The following CCNY variants were observed in gnomAD, a reference collection of about 807,000 sequenced individuals.
CCNY encodes the protein cyclin Y.
CCNY carries 19 observed loss-of-function variants against 42.8 expected under a neutral mutation model. The ratio of observed to expected loss-of-function variants is 0.44; its 90% CI spans 0.31 to 0.65. The LOEUF (loss-of-function observed/expected upper bound fraction) is 0.65, where lower values mean the gene tolerates loss of function less well. Among genes scored for constraint, CCNY ranks in the 30% least tolerant of loss-of-function variants. CCNY has a pLI of 0.07. For synonymous variants in CCNY, 165 were observed against 162.7 expected (o/e 1.01, Z -0.11); for missense variants, 370 against 437.3 (o/e 0.85, Z 1.37).
chr10:35,267,191 C>A (rs2095726420), intron 3 of CCNY, among the ~76,000 whole-genome samples: 1 of 151,766 alleles, frequency 6.6e-6, no homozygotes, highest in South Asian at 2.1e-4. Flanking sequence ...TCCTGTAATC[C>A]CTCCGCTTTG....
intron 8 of CCNY, among the ~76,000 whole-genome samples, chr10:35,563,296 T>C (rs1841501999): frequency 6.6e-6 from 1 of 152,240 alleles, no homozygotes; most frequent in South Asian, 2.1e-4. Context: ...TGTTCTGTTT[T>C]CCAGGGAACC....
chr10:35,465,652 A>G (rs1564421866), intron 1 of CCNY, among the ~76,000 whole-genome samples: 1 of 151,942 alleles, frequency 6.6e-6, no homozygotes, highest in East Asian at 1.9e-4. Flanking sequence ...TTGCGTGTCT[A>G]CTGGCAGTTC....
chr10:35,454,798 G>C (rs1589132013), intron 1 of CCNY, among the ~76,000 whole-genome samples: 3 of 152,280 alleles, frequency 2.0e-5, no homozygotes, highest in East Asian at 3.9e-4. Context: ...CTTCTGCCAG[G>C]GTAAGAGGAA....
intron 8 of CCNY, among the ~76,000 whole-genome samples, chr10:35,556,448 C>T (rs1841364538): frequency 6.6e-6 from 1 of 152,178 alleles, no homozygotes; most frequent in Non-Finnish European, 1.5e-5. Flanking sequence ...TTTTATTCTA[C>T]TGTTTGTTTT....
At chr10:35,495,715 G>A (rs1310738312) in intron 2 of CCNY, among the ~76,000 whole-genome samples, 1 of 152,146 alleles carries the variant, frequency 6.6e-6, no homozygotes, top group Admixed American at 6.5e-5. Flanking sequence ...GGGGGAAATG[G>A]CCACACCAGG....
intron 2 of CCNY, among the ~76,000 whole-genome samples, chr10:35,488,221 T>A (rs1040321453): frequency 1.3e-5 from 2 of 152,192 alleles, no homozygotes; most frequent in Non-Finnish European, 2.9e-5. Flanking sequence ...AAAAATATGA[T>A]TCTTAGTTTT....
intron 3 of CCNY, among the ~76,000 whole-genome samples, chr10:35,503,043 C>G (rs896759600): frequency 3.3e-5 from 5 of 152,152 alleles, no homozygotes; most frequent in African/African-American, 1.2e-4. Context: ...CAGAGGTGTG[C>G]TCCCACAGTT....
At chr10:35,526,432 C>T (rs1224095137) in intron 5 of CCNY, among the ~76,000 whole-genome samples, 3 of 152,170 alleles carry the variant, frequency 2.0e-5, no homozygotes, top group African/African-American at 7.2e-5. Flanking sequence ...GAAGCCCTCT[C>T]TGATGTAAGT....
chr10:35,474,810 G>A (rs1271329262), intron 1 of CCNY, among the ~76,000 whole-genome samples: 3 of 152,198 alleles, frequency 2.0e-5, no homozygotes, highest in Admixed American at 6.5e-5. Context: ...TGACTTTGAC[G>A]AGCTGAGAGA....
At chr10:35,291,075 G>A (rs981813781) in intron 3 of CCNY, among the ~76,000 whole-genome samples, 3 of 151,512 alleles carry the variant, frequency 2.0e-5, no homozygotes, top group Non-Finnish European at 2.9e-5. Flanking sequence ...GTGCAATCTC[G>A]GCTCACTGCA....
chr10:35,424,426 A>C (rs1052860029), intron 1 of CCNY, among the ~76,000 whole-genome samples: 3 of 152,102 alleles, frequency 2.0e-5, no homozygotes, highest in African/African-American at 4.8e-5. Context: ...GGGTTTCTCC[A>C]TGTTGGTCAG....
chr10:35,337,696 A>G (rs1048933682), intron 1 of CCNY, among the ~76,000 whole-genome samples: 6 of 152,122 alleles, frequency 3.9e-5, no homozygotes, highest in Admixed American at 1.3e-4. Context: ...CCGGAACCTT[A>G]CAAATGGACT....
intron 1 of CCNY, among the ~76,000 whole-genome samples, chr10:35,421,985 C>G (rs577549899): frequency 1.3e-5 from 2 of 152,184 alleles, no homozygotes; most frequent in Admixed American, 1.3e-4. Context: ...AAAGTCACTG[C>G]CCCACAGTCA....
chr10:35,336,815 G>T lies in CCNY; in HGVS notation c.-239G>T. On this transcript the variant is annotated 5_prime_UTR_variant, in exon 1 of 10. Coordinates refer to ENST00000374704, the MANE Select transcript of CCNY (RefSeq NM_145012.6). The stretch of plus-strand genomic sequence containing the variant: ...CTCCTCCGCCGCGGATAGGCCGGCC[G>T]AGGGGGAGCCGGGGCCGTCGCCCGC... 6.8e-6 allele frequency: 1 copy of T among 147,484 alleles called. No homozygotes were observed. The highest frequency in any genetic ancestry group is 1.8e-4 in the South Asian group (1 of 5,534). 9.1% of individuals were successfully genotyped at this position (147,484 alleles called of 1,614,324 possible). A position where few individuals can be genotyped will look rare whatever the true frequency, so the allele number is the denominator to read the frequency against.
chr10:35,407,691 G>A (rs1205846099), intron 1 of CCNY, among the ~76,000 whole-genome samples: 1 of 152,068 alleles, frequency 6.6e-6, no homozygotes, highest in Non-Finnish European at 1.5e-5. Context: ...TTAAGTTCTT[G>A]AGAACACAGG....
At chr10:35,266,954 CA>C in intron 3 of CCNY, among the ~76,000 whole-genome samples, 1 of 151,778 alleles carries the variant, frequency 6.6e-6, no homozygotes. Flanking sequence ...TGGTGGCAGG[CA>C]CATGTAATCC....
chr10:35,522,333 C>T (rs1167171900), intron 4 of CCNY, among the ~76,000 whole-genome samples: 1 of 152,200 alleles, frequency 6.6e-6, no homozygotes, highest in Non-Finnish European at 1.5e-5. Flanking sequence ...TCCAGAGATC[C>T]ATCCACCTGC....
At chr10:35,376,801 G>A (rs1837062070) in intron 1 of CCNY, among the ~76,000 whole-genome samples, 1 of 152,168 alleles carries the variant, frequency 6.6e-6, no homozygotes, top group African/African-American at 2.4e-5. Context: ...GTCATAAAAA[G>A]CCACATATAT....
chr10:35,287,499 A>G (rs1835367400), intron 3 of CCNY, among the ~76,000 whole-genome samples: 1 of 152,184 alleles, frequency 6.6e-6, no homozygotes, highest in Non-Finnish European at 1.5e-5. Flanking sequence ...TCCTTCCACC[A>G]TTCCTGAATC....
Sources: allele counts gnomAD v4.1 joint callset (sites outside exome capture counted in the v4.1 genomes callset), GRCh38; gene constraint gnomAD v4.1.1; transcripts MANE v1.5; gene names NCBI Gene and HGNC (gene_info 2026-07-23, HGNC 2026-07-21).